Variants in PAX7 observed in about 807,000 individuals in gnomAD.
PAX7 encodes the protein paired box protein Pax-7.
Under a neutral mutation model 50.7 loss-of-function variants are expected in PAX7, and 18 were observed. That is an observed-to-expected ratio of 0.36 (90% CI 0.25 to 0.53). The LOEUF (loss-of-function observed/expected upper bound fraction) is 0.53, where lower values mean the gene tolerates loss of function less well. PAX7 is among the 20% of genes least tolerant of loss of function. The pLI is 0.93. For missense variants in PAX7, 644 were observed against 702.9 expected (o/e 0.92, Z 0.95); for synonymous variants, 310 against 290.4 (o/e 1.07, Z -0.69).
At chr1:18,731,720 G>C (rs1046236655) in intron 7 of PAX7, among the ~76,000 whole-genome samples, 2 of 152,124 alleles carry the variant, frequency 1.3e-5, no homozygotes, top group African/African-American at 4.8e-5. Context: ...CTCTGGGAGA[G>C]AGTAAGCAGT....
At position 18,716,180 on chromosome 1, in the gene PAX7, C is replaced by T. The variant is rs539342652; in HGVS notation, c.1155+12884C>T. ...CTGCTAAGGGCAGGGGAGGCTCCTCCCTTGGAGCTTTGGAGAACATCAGAG... is the reference window on the plus strand; with the variant it reads ...CTGCTAAGGGCAGGGGAGGCTCCTCTCTTGGAGCTTTGGAGAACATCAGAG... On this transcript the variant is annotated intron_variant, in intron 7 of 8. Transcript: ENST00000420770. Among the ~76,000 whole-genome samples the T allele has an allele frequency of 1.4e-4, 21 of 152,360 alleles. No individual in the cohort carries two copies. The South Asian group carries it at 3.9e-3, about 29-fold the overall frequency.
At chr1:18,662,588 T>G (rs917153575) in intron 4 of PAX7, among the ~76,000 whole-genome samples, 2 of 152,222 alleles carry the variant, frequency 1.3e-5, no homozygotes, top group East Asian at 3.8e-4. Flanking sequence ...GTTTTTGTTT[T>G]GAGACAGAGT....
chr1:18,635,021 G>T (rs2088123960), intron 2 of PAX7, 90 bp from the exon 3 acceptor site: 2 of 1,493,316 alleles, frequency 1.3e-6, no homozygotes. Flanking sequence ...CCACCAGCCT[G>T]GTCTGGGGCT....
rs115295181 is a variant in PAX7 at position 18,686,451 on chromosome 1, G to A, written c.587-5303G>A. 6.3e-3 allele frequency among the ~76,000 whole-genome samples: 957 copies of A among 152,220 alleles called. 11 individuals are homozygous for A. Among genetic ancestry groups the A allele is most frequent in the African/African-American group, 0.022 (896 of 41,520 alleles). On this transcript the variant is annotated intron_variant, in intron 4 of 8. Coordinates refer to ENST00000420770, the MANE Select transcript of PAX7 (RefSeq NM_001135254.2). Reference sequence around the variant, plus strand: ...GGCCATGAGGCTGCTCCCCTACTGCGTACCCCGAATCTGGCTGCCGTTTAA... The same window carrying A: ...GGCCATGAGGCTGCTCCCCTACTGCATACCCCGAATCTGGCTGCCGTTTAA...
chr1:18,724,170 A>G (rs747986455), intron 7 of PAX7, among the ~76,000 whole-genome samples: 2 of 152,186 alleles, frequency 1.3e-5, no homozygotes, highest in Non-Finnish European at 2.9e-5. Context: ...AAGCTTCGAA[A>G]TTGAATTTGG....
At chr1:18,737,347 C>G (rs1325033289) in intron 8 of PAX7, among the ~76,000 whole-genome samples, 1 of 152,208 alleles carries the variant, frequency 6.6e-6, no homozygotes, top group Admixed American at 6.5e-5. Flanking sequence ...AAACCCACTC[C>G]TCTTCACGTG....
chr1:18,701,401 AGT>A (rs200484579), intron 6 of PAX7, among the ~76,000 whole-genome samples: 1,577 of 150,980 alleles, frequency 0.01, 27 homozygotes, highest in African/African-American at 0.035. Context: ...TGTGTGCATG[AGT>A]GTGTGCGTAT....
chr1:18,641,954 C>A (rs1355819723), intron 4 of PAX7, among the ~76,000 whole-genome samples: 1 of 35,792 alleles, frequency 2.8e-5, no homozygotes, highest in African/African-American at 9.1e-5. Context: ...GGATTAACCT[C>A]CCCCCCCCCA....
intron 7 of PAX7, among the ~76,000 whole-genome samples, chr1:18,713,469 G>C (rs1457292276): frequency 6.6e-6 from 1 of 152,170 alleles, no homozygotes; most frequent in Non-Finnish European, 1.5e-5. Flanking sequence ...ATTCTCAGGA[G>C]GATTTTGAGG....
intron 4 of PAX7, among the ~76,000 whole-genome samples, chr1:18,649,158 A>G (rs1445639994): frequency 1.3e-5 from 2 of 152,108 alleles, no homozygotes; most frequent in Non-Finnish European, 2.9e-5. Context: ...GAGTGACATG[A>G]GTGAGGCCAA....
At chr1:18,724,627 C>T (rs906232111) in intron 7 of PAX7, among the ~76,000 whole-genome samples, 1 of 152,162 alleles carries the variant, frequency 6.6e-6, no homozygotes, top group Non-Finnish European at 1.5e-5. Context: ...TGCAGCAAGG[C>T]CCCTGGGTGG....
chr1:18,633,247 A>T (rs2088086673), intron 1 of PAX7, among the ~76,000 whole-genome samples: 1 of 151,778 alleles, frequency 6.6e-6, no homozygotes. Flanking sequence ...AGCTCCCTCC[A>T]CTCCCGCGGC....
At chr1:18,692,117 T>C (rs11582140) in intron 5 of PAX7, among the ~76,000 whole-genome samples, 164 bp downstream of exon 5, 1 of 151,726 alleles carries the variant, frequency 6.6e-6, no homozygotes, top group African/African-American at 2.4e-5. Flanking sequence ...GCAGAGTTAG[T>C]TGGCAGCAAA....
chr1:18,675,563 C>T (rs567742894), intron 4 of PAX7, among the ~76,000 whole-genome samples: 1 of 152,100 alleles, frequency 6.6e-6, no homozygotes, highest in South Asian at 2.1e-4. Flanking sequence ...ACATCAGATA[C>T]AGCCCAGGAC....
intron 8 of PAX7, among the ~76,000 whole-genome samples, chr1:18,742,955 A>G (rs1176121299): frequency 2.0e-5 from 3 of 152,180 alleles, no homozygotes; most frequent in African/African-American, 7.2e-5. Context: ...AAGCAGGTCT[A>G]GAGAGGTCAA....
In PAX7 at chr1:18,634,678, C is replaced by T. The variant is rs573511203; in HGVS notation, c.321+140C>T. On this transcript the variant is annotated intron_variant, in intron 2 of 8. Coordinates refer to ENST00000420770, the MANE Select transcript of PAX7 (RefSeq NM_001135254.2). The surrounding 1 kb of genome is among the most constrained non-coding windows in gnomAD (Gnocchi z 4.0). Reference sequence around the variant, plus strand: ...TGTCTTCTACTCCCAGATGTCCTCCCATTGTTTTCCTATTATTTGAATTTC... The same window carrying T: ...TGTCTTCTACTCCCAGATGTCCTCCTATTGTTTTCCTATTATTTGAATTTC... 3.5e-4 allele frequency: 235 copies of T among 668,304 alleles called. 2 individuals carry two copies. In the South Asian group the frequency reaches 4.4e-3, roughly 12 times the overall value. The allele number at this position is 668,304 out of a possible 1,614,324, so 41.4% of individuals were successfully genotyped here.
chr1:18,685,333 C>T (rs975833527), intron 4 of PAX7, among the ~76,000 whole-genome samples: 28 of 152,214 alleles, frequency 1.8e-4, no homozygotes, highest in African/African-American at 6.5e-4. Context: ...TTAAGAGAGA[C>T]TTTGCCAAGC....
chr1:18,724,336 AG>A, intron 7 of PAX7, among the ~76,000 whole-genome samples: 1 of 152,222 alleles, frequency 6.6e-6, no homozygotes, highest in Non-Finnish European at 1.5e-5. Flanking sequence ...CAGCTGGTGA[AG>A]GCAGTGGAGG....
Position 18,745,230 on chromosome 1 carries a change from T to C in PAX7, c.*301T>C, listed in dbSNP as rs957120991. ...CTCTGTGCCATCTCAGGCATGGAGA[T>C]TGGGGCCCACCTTGAACACCTTGGG... On this transcript the variant is annotated 3_prime_UTR_variant, in exon 9 of 9. Coordinates refer to ENST00000420770, the MANE Select transcript of PAX7 (RefSeq NM_001135254.2). 3 of 434,450 alleles carry C rather than the reference T, an allele frequency of 6.9e-6. No homozygotes were observed. Among genetic ancestry groups the C allele is most frequent in the African/African-American group, 5.9e-5 (3 of 50,774 alleles). 26.9% of individuals were successfully genotyped at this position (434,450 alleles called of 1,614,324 possible).
Sources: allele counts gnomAD v4.1 joint callset (sites outside exome capture counted in the v4.1 genomes callset), GRCh38; gene constraint gnomAD v4.1.1; non-coding constraint Gnocchi (gnomAD v3.1); transcripts MANE v1.5; gene names NCBI Gene and HGNC (gene_info 2026-07-23, HGNC 2026-07-21).